The following DIAPH2 variants were observed in gnomAD, a reference collection of about 807,000 sequenced individuals.
DIAPH2 encodes protein diaphanous homolog 2.
Under a neutral mutation model 92.7 loss-of-function variants are expected in DIAPH2, and 35 were observed. The observed-to-expected ratio is 0.38, with a 90% CI of 0.29 to 0.50. DIAPH2 has a LOEUF of 0.50. Ranked by LOEUF, DIAPH2 falls within the 20% of genes least tolerant of loss-of-function variation. The pLI is 0.94. For missense variants in DIAPH2, 701 were observed against 819.5 expected (o/e 0.86, Z 1.77); for synonymous variants, 301 against 280.4 (o/e 1.07, Z -0.73).
At position 97,421,126 on chromosome X, in the gene DIAPH2, T is replaced by C. The variant is rs187273455; in HGVS notation, c.3146-8524T>C. On this transcript the variant is annotated intron_variant, in intron 25 of 26. Coordinates refer to ENST00000324765, the MANE Select transcript of DIAPH2 (RefSeq NM_006729.5). ...GTTGCTGAGGTTTTTTTGATGACTATTGACACAGTGCTTTGCCAAATGGTT... is the reference window on the plus strand; with the variant it reads ...GTTGCTGAGGTTTTTTTGATGACTACTGACACAGTGCTTTGCCAAATGGTT... Among the ~76,000 whole-genome samples, 338 of 112,091 alleles carry C rather than the reference T, an allele frequency of 3.0e-3. 1 individual carries two copies. Among genetic ancestry groups the C allele is most frequent in the African/African-American group, 8.9e-3 (275 of 30,918 alleles).
chrX:96,827,834 T>C (rs902123491), intron 4 of DIAPH2, among the ~76,000 whole-genome samples: 35 of 112,191 alleles, frequency 3.1e-4, no homozygotes, highest in Admixed American at 2.9e-3. Flanking sequence ...TAACTTTTTT[T>C]TGTTTTGGAC....
At chrX:97,161,706 C>G (rs2067375126) in intron 22 of DIAPH2, among the ~76,000 whole-genome samples, 1 of 111,797 alleles carries the variant, frequency 8.9e-6, no homozygotes, top group African/African-American at 3.2e-5. Context: ...AAGTGCTATT[C>G]TAGGAAAATT....
intron 16 of DIAPH2, among the ~76,000 whole-genome samples, chrX:96,962,448 T>C (rs1487363083): frequency 3.0e-5 from 2 of 66,879 alleles, no homozygotes; most frequent in African/African-American, 1.4e-4. Context: ...TATACATATA[T>C]ACACACACAT....
At chrX:97,111,375 TC>T (rs2066979742) in intron 20 of DIAPH2, among the ~76,000 whole-genome samples, 1 of 111,929 alleles carries the variant, frequency 8.9e-6, no homozygotes, top group South Asian at 3.7e-4. Context: ...GCTGCCTTAG[TC>T]CCTGATTGGC....
intron 4 of DIAPH2, among the ~76,000 whole-genome samples, chrX:96,845,705 C>T (rs1233873427): frequency 8.9e-6 from 1 of 112,349 alleles, no homozygotes; most frequent in Non-Finnish European, 1.9e-5. Flanking sequence ...TACGTTTAAC[C>T]TTTGTAATTT....
chrX:97,506,973 C>T (rs189924820), intron 26 of DIAPH2, among the ~76,000 whole-genome samples: 204 of 110,636 alleles, frequency 1.8e-3, no homozygotes, highest in African/African-American at 6.6e-3. Flanking sequence ...TGGACTAGAG[C>T]TAAAATGTTG....
chrX:96,944,043 A>T, intron 13 of DIAPH2, among the ~76,000 whole-genome samples: 1 of 112,030 alleles, frequency 8.9e-6, no homozygotes, highest in Non-Finnish European at 1.9e-5. Context: ...TAGAACACAC[A>T]TATGTTCATG....
intron 24 of DIAPH2, among the ~76,000 whole-genome samples, chrX:97,363,465 T>C (rs1324240262): frequency 9.4e-6 from 1 of 106,344 alleles, no homozygotes. Context: ...GAGACCAGCC[T>C]GGCCAACATG....
intron 25 of DIAPH2, among the ~76,000 whole-genome samples, chrX:97,424,979 TA>T (rs2070047329): frequency 1.8e-5 from 2 of 112,227 alleles, no homozygotes; most frequent in African/African-American, 6.5e-5. Context: ...AATTACAATA[TA>T]ATAGCATTAA....
chrX:96,963,858 T>C (rs115771908), intron 16 of DIAPH2, among the ~76,000 whole-genome samples: 5,357 of 111,340 alleles, frequency 0.048, 342 homozygotes, highest in African/African-American at 0.17. Context: ...TTTTTATTAT[T>C]GAGCCTTTTT....
intron 1 of DIAPH2, among the ~76,000 whole-genome samples, chrX:96,723,916 A>AT (rs149595440): frequency 0.025 from 1,793 of 71,071 alleles, 46 homozygotes; most frequent in African/African-American, 0.063. Context: ...TGATTCTATA[A>AT]TTTTTTTTTT....
intron 26 of DIAPH2, among the ~76,000 whole-genome samples, chrX:97,465,277 A>C (rs945754319): frequency 3.4e-4 from 37 of 109,819 alleles, no homozygotes; most frequent in South Asian, 1.1e-3. Flanking sequence ...ATTCACCCAC[A>C]CACACACACA....
intron 25 of DIAPH2, among the ~76,000 whole-genome samples, chrX:97,409,454 C>G (rs766177283): frequency 9.0e-6 from 1 of 111,164 alleles, no homozygotes; most frequent in Non-Finnish European, 1.9e-5. Flanking sequence ...CTAGAGTGAT[C>G]GACACAGAAG....
At chrX:97,129,613 G>A (rs2067124146) in intron 21 of DIAPH2, among the ~76,000 whole-genome samples, 1 of 111,699 alleles carries the variant, frequency 9.0e-6, no homozygotes, top group African/African-American at 3.3e-5. Context: ...GTAGAGGTAA[G>A]AATAAGGGGC....
chrX:97,262,763 GT>G (rs1433780148), intron 23 of DIAPH2, among the ~76,000 whole-genome samples: 1 of 111,967 alleles, frequency 8.9e-6, no homozygotes, highest in East Asian at 2.8e-4. Flanking sequence ...TGGAAATTGT[GT>G]TTAAAGCCAT....
intron 23 of DIAPH2, among the ~76,000 whole-genome samples, chrX:97,273,190 CT>C (rs1326565358): frequency 1.8e-5 from 2 of 111,983 alleles, no homozygotes; most frequent in Non-Finnish European, 3.8e-5. Context: ...AATAAATATC[CT>C]TGTCAACAAT....
chrX:97,104,203 G>A (rs980832418), intron 20 of DIAPH2, among the ~76,000 whole-genome samples: 1 of 111,674 alleles, frequency 9.0e-6, no homozygotes, highest in Non-Finnish European at 1.9e-5. Flanking sequence ...TTTTATTCAC[G>A]TGTGCTTAAC....
intron 25 of DIAPH2, among the ~76,000 whole-genome samples, chrX:97,405,621 G>T (rs1015889787): frequency 6.3e-5 from 7 of 111,573 alleles, no homozygotes; most frequent in Non-Finnish European, 1.1e-4. Flanking sequence ...GTCATAACCT[G>T]CATTGTACAA....
intron 21 of DIAPH2, among the ~76,000 whole-genome samples, chrX:97,126,643 G>A (rs2067096136): frequency 8.9e-6 from 1 of 112,029 alleles, no homozygotes; most frequent in Non-Finnish European, 1.9e-5. Context: ...TGTGGGGACA[G>A]GCAAATGGAT....
Sources: gnomAD v4.1 joint callset for allele counts (sites outside exome capture counted in the v4.1 genomes callset) on GRCh38, gnomAD v4.1.1 for gene constraint, MANE v1.5 for transcripts, NCBI Gene and HGNC (gene_info 2026-07-23, HGNC 2026-07-21) for gene names.